ADCY2: variants seen among roughly 807,000 people sequenced by gnomAD.
ADCY2 encodes adenylate cyclase type 2.
ADCY2 carries 31 observed loss-of-function variants against 125.2 expected under a neutral mutation model. The ratio of observed to expected loss-of-function variants is 0.25; its 90% confidence interval spans 0.19 to 0.33. The LOEUF (loss-of-function observed/expected upper bound fraction) is 0.33, where lower values mean the gene tolerates loss of function less well. ADCY2 is among the 10% of genes least tolerant of loss of function. The probability of loss-of-function intolerance (pLI) is 1.00; values close to 1 mark genes in which losing one functional copy is unlikely to be tolerated. For synonymous variants in ADCY2, 512 were observed against 548.4 expected (o/e 0.93, Z 0.93); for missense variants, 904 against 1,418.2 (o/e 0.64, Z 5.82).
At position 7,757,544 on chromosome 5, in the gene ADCY2, C is replaced by T. The variant is rs1743037168; in HGVS notation, c.2052C>T (p.Ile684=). 1.3e-6 allele frequency: 2 copies of T among 1,599,744 alleles called. No homozygotes were observed. Among genetic ancestry groups the T allele is most frequent in the Non-Finnish European group, 1.7e-6 (2 of 1,175,742 alleles). ...CCTGGCCACGGATCTCTCTCACGAT[C>T]ATCACCACAGCCATCATATTAATGA... ...NRPWPRISLT[I]ITTAIILMMA... is the part of the protein sequence containing the mutation. The change falls in exon 16 of 25, where the codon ATC becomes ATT. Residue 684 remains isoleucine, a synonymous_variant. Transcript: ENST00000338316.
intron 2 of ADCY2, among the ~76,000 whole-genome samples, chr5:7,501,639 T>TCC (rs1491333374): frequency 0.037 from 1,351 of 36,900 alleles, 33 homozygotes; most frequent in African/African-American, 0.06. Flanking sequence ...AGAATGAGAT[T>TCC]CCCCCCTCCC....
At chr5:7,442,891 G>A (rs969564166) in intron 2 of ADCY2, among the ~76,000 whole-genome samples, 4 of 152,002 alleles carry the variant, frequency 2.6e-5, no homozygotes, top group Admixed American at 2.0e-4. Context: ...ATAAACTCTT[G>A]GATTGATACT....
intron 24 of ADCY2, among the ~76,000 whole-genome samples, chr5:7,822,865 C>T (rs1036228366): frequency 6.6e-6 from 1 of 152,152 alleles, no homozygotes; most frequent in Non-Finnish European, 1.5e-5. Context: ...TGAAAGTCAC[C>T]GGACTTGCAC....
chr5:7,522,921 G>A (rs1744508030), intron 3 of ADCY2, among the ~76,000 whole-genome samples: 6 of 81,096 alleles, frequency 7.4e-5, no homozygotes, highest in South Asian at 8.4e-4. Context: ...GCAAAACTCC[G>A]TCTCAAAAAA....
chr5:7,703,849 C>A (rs1386496035), intron 7 of ADCY2, among the ~76,000 whole-genome samples: 9 of 151,968 alleles, frequency 5.9e-5, no homozygotes, highest in Non-Finnish European at 1.2e-4. Flanking sequence ...TACAAAAATA[C>A]AAAAATTAGC....
intron 2 of ADCY2, among the ~76,000 whole-genome samples, chr5:7,415,132 A>G (rs1275592884): frequency 6.6e-6 from 1 of 152,202 alleles, no homozygotes; most frequent in Non-Finnish European, 1.5e-5. Context: ...TTTTTTGGTG[A>G]GAAGCTTTAA....
At chr5:7,454,601 T>C (rs1741601827) in intron 2 of ADCY2, among the ~76,000 whole-genome samples, 1 of 152,224 alleles carries the variant, frequency 6.6e-6, no homozygotes, top group Non-Finnish European at 1.5e-5. Context: ...TATTTATTCA[T>C]GCAATGTTAT....
chr5:7,760,413 C>CTAAGGTTCCAATT (rs1743156578), intron 16 of ADCY2, among the ~76,000 whole-genome samples: 1 of 152,166 alleles, frequency 6.6e-6, no homozygotes, highest in Admixed American at 6.5e-5. Context: ...GGTGCACAAG[C>CTAAGGTTCCAATT]TAAGGTTCCA....
chr5:7,798,465 T>C (rs978902953), intron 20 of ADCY2: 1 of 151,392 alleles, frequency 6.6e-6, no homozygotes, highest in Non-Finnish European at 1.5e-5. Context: ...GGAGGAGTGG[T>C]GGAGAGAGAG....
chr5:7,573,384 C>T (rs931816906), intron 3 of ADCY2, among the ~76,000 whole-genome samples: 5 of 151,930 alleles, frequency 3.3e-5, no homozygotes, highest in Non-Finnish European at 5.9e-5. Flanking sequence ...AGGTGTTTTC[C>T]GTGGAGGGTG....
chr5:7,405,595 G>C (rs1739453070), intron 1 of ADCY2, among the ~76,000 whole-genome samples: 1 of 152,142 alleles, frequency 6.6e-6, no homozygotes. Context: ...CAAGAGGAAA[G>C]GGACAAGCCC....
intron 3 of ADCY2, among the ~76,000 whole-genome samples, chr5:7,620,906 A>AC (rs1269304878): frequency 2.0e-5 from 3 of 152,050 alleles, no homozygotes; most frequent in African/African-American, 7.3e-5. Context: ...GAAAAAAAAA[A>AC]AAACTGTCAT....
chr5:7,594,526 A>G (rs970633490), intron 3 of ADCY2, among the ~76,000 whole-genome samples: 1 of 152,210 alleles, frequency 6.6e-6, no homozygotes, highest in African/African-American at 2.4e-5. Flanking sequence ...CCAGTTTGTA[A>G]GTAGCCAGGA....
At chr5:7,518,859 T>A (rs954364574) in intron 2 of ADCY2, among the ~76,000 whole-genome samples, 1 of 152,156 alleles carries the variant, frequency 6.6e-6, no homozygotes, top group Non-Finnish European at 1.5e-5. Context: ...CAGCTGCATG[T>A]ATGACCATCT....
At chr5:7,572,158 T>G in intron 3 of ADCY2, among the ~76,000 whole-genome samples, 1 of 152,226 alleles carries the variant, frequency 6.6e-6, no homozygotes, top group East Asian at 1.9e-4. Context: ...ATATACCTAG[T>G]AATGGGATTG....
chr5:7,658,925 C>G (rs1739434624), intron 4 of ADCY2, among the ~76,000 whole-genome samples: 1 of 152,124 alleles, frequency 6.6e-6, no homozygotes. Flanking sequence ...TGATTTATCA[C>G]CAATTTAAAT....
rs1741381508 is a variant in ADCY2 at position 7,709,809 on chromosome 5, G to A, written c.1578+422G>A. Reference sequence around the variant, plus strand: ...TCTTCATTGCCCAAATGTCCAGGCTGTGTGGGCAGCAGTGGATACTATCTT... The same window carrying A: ...TCTTCATTGCCCAAATGTCCAGGCTATGTGGGCAGCAGTGGATACTATCTT... On this transcript the variant is annotated intron_variant, in intron 10 of 24. Transcript: ENST00000338316. The surrounding 1 kb of genome is among the most constrained non-coding windows in gnomAD (Gnocchi z 4.4). 6.6e-6 allele frequency among the ~76,000 whole-genome samples: 1 copy of A among 152,210 alleles called. No homozygotes were observed. The highest frequency in any genetic ancestry group is 2.4e-5 in the African/African-American group (1 of 41,464).
chr5:7,670,655 G>A (rs1258120768), intron 4 of ADCY2, among the ~76,000 whole-genome samples: 2 of 152,160 alleles, frequency 1.3e-5, no homozygotes, highest in East Asian at 3.9e-4. Context: ...CACAGATCAG[G>A]GGAGAGGATG....
At chr5:7,510,393 ACT>A (rs1379326930) in intron 2 of ADCY2, among the ~76,000 whole-genome samples, 1 of 152,184 alleles carries the variant, frequency 6.6e-6, no homozygotes, top group African/African-American at 2.4e-5. Flanking sequence ...AGCAAGAGTA[ACT>A]CTGATCACAG....
Sources: allele counts gnomAD v4.1 joint callset (sites outside exome capture counted in the v4.1 genomes callset), GRCh38; gene constraint gnomAD v4.1.1; non-coding constraint Gnocchi (gnomAD v3.1); transcripts MANE v1.5; gene names NCBI Gene and HGNC (gene_info 2026-07-23, HGNC 2026-07-21).